Variants in TMTC2 observed in about 807,000 individuals in gnomAD.
The protein encoded by TMTC2 is protein O-mannosyl-transferase TMTC2.
TMTC2 carries 43 observed loss-of-function variants against 82.4 expected under a neutral mutation model. That is an observed-to-expected ratio of 0.52 (90% CI 0.41 to 0.67). The LOEUF (loss-of-function observed/expected upper bound fraction) is 0.67, where lower values mean the gene tolerates loss of function less well. Ranked by LOEUF, TMTC2 falls within the 30% of genes least tolerant of loss-of-function variation. The pLI is 0.00. For missense variants in TMTC2, 919 were observed against 1,012.4 expected (o/e 0.91, Z 1.25); for synonymous variants, 408 against 381.9 (o/e 1.07, Z -0.80).
At chr12:82,953,334 A>T (rs1019200490) in intron 4 of TMTC2, among the ~76,000 whole-genome samples, 3 of 152,182 alleles carry the variant, frequency 2.0e-5, no homozygotes, top group Admixed American at 6.5e-5. Flanking sequence ...GTGTCTCTCT[A>T]AATTTTGGAA....
intron 1 of TMTC2, among the ~76,000 whole-genome samples, chr12:82,743,475 T>C (rs1448123217): frequency 1.3e-5 from 2 of 151,410 alleles, no homozygotes; most frequent in African/African-American, 2.4e-5. Context: ...AAAGCAGATA[T>C]ATGGCTTTTA....
chr12:83,006,866 C>T (rs1655595), intron 8 of TMTC2, among the ~76,000 whole-genome samples: 86,224 of 151,740 alleles, frequency 0.57, 26,281 homozygotes, highest in East Asian at 0.84. Flanking sequence ...AAACCAAACA[C>T]TGCATGTTCG....
rs534219016 is a variant in TMTC2 at position 82,726,933 on chromosome 12, T to C, written c.83+39264T>C. Among the ~76,000 whole-genome samples, 7 of 139,470 alleles carry C rather than the reference T, an allele frequency of 5.0e-5. No individual in the cohort carries two copies. The South Asian group carries it at 1.6e-3, about 32-fold the overall frequency. 91.5% of individuals were successfully genotyped at this position (139,470 alleles called of 152,430 possible). On this transcript the variant is annotated intron_variant, in intron 1 of 11. Coordinates refer to ENST00000321196, the MANE Select transcript of TMTC2 (RefSeq NM_152588.3). ...AGCAAAGCCAAGCTTGGAGCTCAAA[T>C]AGAGTACCCTTAACCAATTCTACTG...
At chr12:82,885,222 T>TTC (rs59149233) in intron 2 of TMTC2, among the ~76,000 whole-genome samples, 2,862 of 115,436 alleles carry the variant, frequency 0.025, 87 homozygotes, top group African/African-American at 0.17. Context: ...TTTTGATGAC[T>TTC]GACAGTTTTG....
chr12:82,983,464 TTAA>T (rs1286608521), intron 7 of TMTC2, among the ~76,000 whole-genome samples: 2 of 152,020 alleles, frequency 1.3e-5, no homozygotes, highest in African/African-American at 4.8e-5. Flanking sequence ...AAAATAGATT[TTAA>T]TAATGATAAC....
chr12:82,939,318 C>T (rs1156967611), intron 4 of TMTC2, among the ~76,000 whole-genome samples: 3 of 152,050 alleles, frequency 2.0e-5, no homozygotes, highest in Non-Finnish European at 4.4e-5. Flanking sequence ...TAATTTTTAA[C>T]ATATCACTTT....
chr12:83,124,660 G>C (rs1175240740), intron 11 of TMTC2, among the ~76,000 whole-genome samples: 1 of 151,206 alleles, frequency 6.6e-6, no homozygotes, highest in East Asian at 1.9e-4. Context: ...ATGCTCAAAA[G>C]AGCCCATGAC....
intron 3 of TMTC2, among the ~76,000 whole-genome samples, chr12:82,899,317 C>T (rs371650420): frequency 1.3e-5 from 2 of 151,830 alleles, no homozygotes; most frequent in African/African-American, 2.4e-5. Flanking sequence ...CAGCTCTGGC[C>T]GAGAATTCTG....
At chr12:82,867,063 A>C (rs920614313) in intron 2 of TMTC2, among the ~76,000 whole-genome samples, 4 of 152,202 alleles carry the variant, frequency 2.6e-5, no homozygotes, top group African/African-American at 9.7e-5. Flanking sequence ...GCATCTTCGA[A>C]GTCAGTGATG....
intron 1 of TMTC2, among the ~76,000 whole-genome samples, chr12:82,772,291 C>G (rs1409828907): frequency 1.3e-5 from 2 of 152,100 alleles, no homozygotes; most frequent in Non-Finnish European, 2.9e-5. Flanking sequence ...TGTGGCATAC[C>G]AGAAGAAAAG....
At chr12:82,869,616 G>T (rs1872060964) in intron 2 of TMTC2, among the ~76,000 whole-genome samples, 1 of 152,142 alleles carries the variant, frequency 6.6e-6, no homozygotes. Flanking sequence ...GAGGTGGGTG[G>T]ATCGTGTGAG....
At chr12:82,872,626 G>A (rs1300278871) in intron 2 of TMTC2, among the ~76,000 whole-genome samples, 1 of 151,978 alleles carries the variant, frequency 6.6e-6, no homozygotes, top group African/African-American at 2.4e-5. Context: ...TTTTTTTCCT[G>A]CAAATTTCAT....
chr12:83,063,634 T>A (rs1319935188), intron 11 of TMTC2, among the ~76,000 whole-genome samples: 1 of 151,764 alleles, frequency 6.6e-6, no homozygotes, highest in African/African-American at 2.4e-5. Flanking sequence ...ACTGAATACA[T>A]AAGAGAAAGC....
chr12:82,806,797 G>A (rs143156890), intron 1 of TMTC2, among the ~76,000 whole-genome samples: 1 of 152,236 alleles, frequency 6.6e-6, no homozygotes, highest in East Asian at 1.9e-4. Flanking sequence ...AGGCTTCAGA[G>A]GAGGAAGAAG....
chr12:83,016,131 C>T (rs1443550530), intron 8 of TMTC2, among the ~76,000 whole-genome samples: 1 of 152,110 alleles, frequency 6.6e-6, no homozygotes, highest in Admixed American at 6.5e-5. Context: ...TGTTACATAA[C>T]CCTGTTTGGT....
chr12:82,829,026 T>A (rs1482128929), intron 1 of TMTC2, among the ~76,000 whole-genome samples: 2 of 152,190 alleles, frequency 1.3e-5, no homozygotes. Context: ...TAATAAAGTG[T>A]TTAATGTGCA....
intron 9 of TMTC2, among the ~76,000 whole-genome samples, 153 bp downstream of exon 9, chr12:83,031,032 A>T (rs1160824590): frequency 6.6e-6 from 1 of 152,174 alleles, no homozygotes; most frequent in Non-Finnish European, 1.5e-5. Flanking sequence ...TTCTCATTCA[A>T]AACAGTCCTA....
At chr12:82,986,226 T>G in intron 8 of TMTC2, 180 bp downstream of exon 8, 1 of 747,296 alleles carries the variant, frequency 1.3e-6, no homozygotes, top group Non-Finnish European at 2.1e-6. Context: ...GCCTATGAGG[T>G]TTGGTCTAGA....
chr12:82,777,602 T>C (rs1877664562), intron 1 of TMTC2, among the ~76,000 whole-genome samples: 1 of 152,178 alleles, frequency 6.6e-6, no homozygotes, highest in Non-Finnish European at 1.5e-5. Flanking sequence ...TGAATTCTAG[T>C]GTGGTTTTCC....
Sources: gnomAD v4.1 joint callset for allele counts (sites outside exome capture counted in the v4.1 genomes callset) on GRCh38, gnomAD v4.1.1 for gene constraint, MANE v1.5 for transcripts, NCBI Gene and HGNC (gene_info 2026-07-23, HGNC 2026-07-21) for gene names.